Variants in FARP1 observed in about 807,000 individuals in gnomAD.
The protein encoded by FARP1 is FERM, ARH/RhoGEF and pleckstrin domain protein 1.
A neutral mutation model predicts 128.8 loss-of-function variants in FARP1; 52 were observed. The ratio of observed to expected loss-of-function variants is 0.40; its 90% CI spans 0.32 to 0.51. The LOEUF is 0.51. Among genes scored for constraint, FARP1 ranks in the 20% least tolerant of loss-of-function variants. FARP1 has a pLI of 0.45. For synonymous variants in FARP1, 580 were observed against 551.8 expected (o/e 1.05, Z -0.72); for missense variants, 1,333 against 1,367.9 (o/e 0.97, Z 0.40).
chr13:98,167,566 C>T lies in FARP1; in HGVS notation c.-24+24074C>T, dbSNP rs139521446. On this transcript the variant is annotated intron_variant, in intron 1 of 26. Coordinates refer to ENST00000319562, the MANE Select transcript of FARP1 (RefSeq NM_005766.4). ...CTGAGATTATAGGTGTCGACCACCA[C>T]GCCCAGCTAATTTTTGTATTTTTAG... Among the ~76,000 whole-genome samples the T allele has an allele frequency of 9.2e-3, 1,396 of 151,992 alleles. 14 individuals are homozygous for T. The highest frequency in any genetic ancestry group is 0.056 in the South Asian group (269 of 4,810).
intron 3 of FARP1, among the ~76,000 whole-genome samples, chr13:98,364,956 C>G (rs1299325500): frequency 6.6e-6 from 1 of 152,178 alleles, no homozygotes; most frequent in East Asian, 1.9e-4. Context: ...AGGTGGTGTT[C>G]TGTAAATATT....
chr13:98,418,366 C>A (rs9517286), intron 16 of FARP1, among the ~76,000 whole-genome samples: 3 of 151,904 alleles, frequency 2.0e-5, no homozygotes, highest in Non-Finnish European at 2.9e-5. Flanking sequence ...CCTCCGTCTC[C>A]CAGGTTCAAG....
chr13:98,420,666 A>T (rs1891560489), intron 16 of FARP1, among the ~76,000 whole-genome samples: 1 of 152,164 alleles, frequency 6.6e-6, no homozygotes, highest in African/African-American at 2.4e-5. Context: ...TGTCAAAAGA[A>T]TTTTCATCTT....
chr13:98,222,321 C>T (rs995845020), intron 2 of FARP1, among the ~76,000 whole-genome samples: 8 of 152,228 alleles, frequency 5.3e-5, no homozygotes, highest in African/African-American at 1.9e-4. Flanking sequence ...AATAACTACC[C>T]TCTGAAAAAT....
chr13:98,332,747 G>A lies in FARP1; in HGVS notation c.172-11015G>A, dbSNP rs1887564907. The A allele has an allele frequency of 2.0e-5, 3 of 152,212 alleles. No individual in the cohort carries two copies. The South Asian group carries it at 6.2e-4, about 32-fold the overall frequency. The allele number at this position is 152,212 out of a possible 1,614,324, so 9.4% of individuals were successfully genotyped here. ...TTTCTGTAGAAAGTGTCTGTAAACA[G>A]AATAATTTTTCATTCACGTTAAGAT... On this transcript the variant is annotated intron_variant, in intron 2 of 26. Transcript: ENST00000319562.
intron 2 of FARP1, among the ~76,000 whole-genome samples, chr13:98,255,416 G>T (rs1222102203): frequency 1.3e-5 from 2 of 152,112 alleles, no homozygotes; most frequent in Admixed American, 1.3e-4. Flanking sequence ...CAGGAGAATG[G>T]CGTGAACCCA....
At chr13:98,188,809 G>T (rs1879049337) in intron 1 of FARP1, among the ~76,000 whole-genome samples, 1 of 152,182 alleles carries the variant, frequency 6.6e-6, no homozygotes, top group African/African-American at 2.4e-5. Context: ...AGTGTTCGGG[G>T]GGTGAAACGG....
At chr13:98,358,722 G>A (rs1007123602) in intron 3 of FARP1, among the ~76,000 whole-genome samples, 18 of 151,788 alleles carry the variant, frequency 1.2e-4, no homozygotes, top group Admixed American at 6.6e-4. Flanking sequence ...TGTAACCTCC[G>A]CCTCGCAGGT....
chr13:98,228,263 G>A (rs574825197), intron 2 of FARP1, among the ~76,000 whole-genome samples: 71 of 152,346 alleles, frequency 4.7e-4, no homozygotes, highest in African/African-American at 1.6e-3. Context: ...GGGAGGCTGA[G>A]TCAGGAGAAT....
intron 8 of FARP1, among the ~76,000 whole-genome samples, chr13:98,386,188 T>A (rs1346172799): frequency 2.3e-5 from 2 of 87,332 alleles, no homozygotes; most frequent in Non-Finnish European, 5.2e-5. Flanking sequence ...AATGTGATCC[T>A]TTTTTTTTTT....
At chr13:98,247,182 C>T (rs144542219) in intron 2 of FARP1, among the ~76,000 whole-genome samples, 1,696 of 152,320 alleles carry the variant, frequency 0.011, 24 homozygotes, top group Non-Finnish European at 0.018. Flanking sequence ...GCGGAGGTTG[C>T]AGTGAGCTGA....
At chr13:98,227,233 C>T (rs375805455) in intron 2 of FARP1, among the ~76,000 whole-genome samples, 18 of 152,292 alleles carry the variant, frequency 1.2e-4, no homozygotes, top group Non-Finnish European at 2.2e-4. Context: ...TGAGCCACCG[C>T]GCCCTGGCCT....
intron 2 of FARP1, among the ~76,000 whole-genome samples, chr13:98,278,161 ATGAG>A (rs901196911): frequency 6.3e-5 from 9 of 143,152 alleles, no homozygotes; most frequent in African/African-American, 1.6e-4. Context: ...GGGTGTGTGT[ATGAG>A]TGAGTGAGTG....
intron 2 of FARP1, among the ~76,000 whole-genome samples, chr13:98,221,344 AAG>A (rs1182830087): frequency 1.3e-5 from 2 of 152,160 alleles, no homozygotes; most frequent in Non-Finnish European, 1.5e-5. Flanking sequence ...GAAAGCACTT[AAG>A]AATAAAAAAT....
At chr13:98,274,519 AC>A (rs1319863265) in intron 2 of FARP1, among the ~76,000 whole-genome samples, 1 of 152,108 alleles carries the variant, frequency 6.6e-6, no homozygotes, top group East Asian at 1.9e-4. Context: ...TTTTTTTAAC[AC>A]AGCAAAAATC....
In FARP1 at chr13:98,240,689, G is replaced by C. The variant is rs191267797; in HGVS notation, c.171+27276G>C. The stretch of plus-strand genomic sequence containing the variant: ...GCCTGCGGACGTCATCTCACTGGTC[G>C]GGAGAGGATGAGAATTTCAGTGATT... On this transcript the variant is annotated intron_variant, in intron 2 of 26. Transcript: ENST00000319562. 9.8e-5 allele frequency among the ~76,000 whole-genome samples: 15 copies of C among 152,338 alleles called. No individual in the cohort carries two copies. The East Asian group carries it at 2.7e-3, about 27-fold the overall frequency.
At chr13:98,304,318 C>A (rs1594378011) in intron 2 of FARP1, among the ~76,000 whole-genome samples, 1 of 152,068 alleles carries the variant, frequency 6.6e-6, no homozygotes, top group Non-Finnish European at 1.5e-5. Flanking sequence ...GGGAGTTTAT[C>A]TTTATGATTT....
chr13:98,310,092 T>TTTC (rs55668573), intron 2 of FARP1, among the ~76,000 whole-genome samples: 50 of 151,272 alleles, frequency 3.3e-4, no homozygotes, highest in Non-Finnish European at 4.7e-4. Context: ...TTTTTTTTTT[T>TTTC]CCCATAATAG....
chr13:98,266,029 A>G (rs1396441571), intron 2 of FARP1, among the ~76,000 whole-genome samples: 1 of 152,152 alleles, frequency 6.6e-6, no homozygotes, highest in African/African-American at 2.4e-5. Flanking sequence ...AAACAGCCAA[A>G]GGACTTGAAA....
Sources: gnomAD v4.1 joint callset for allele counts (sites outside exome capture counted in the v4.1 genomes callset) on GRCh38, gnomAD v4.1.1 for gene constraint, MANE v1.5 for transcripts, NCBI Gene and HGNC (gene_info 2026-07-23, HGNC 2026-07-21) for gene names.